The following NDUFV2 variants were observed in gnomAD, a reference collection of about 807,000 sequenced individuals.
The protein encoded by NDUFV2 is NADH:ubiquinone oxidoreductase core subunit V2, also known as NADH dehydrogenase [ubiquinone] flavoprotein 2, mitochondrial.
NDUFV2 carries 18 observed loss-of-function variants against 31.6 expected under a neutral mutation model. That is an observed-to-expected ratio of 0.57 (90% CI 0.39 to 0.84). The LOEUF is 0.84. NDUFV2 is among the 40% of genes least tolerant of loss of function. The pLI is 0.00. For missense variants in NDUFV2, 314 were observed against 303.6 expected, an observed-to-expected ratio of 1.03 and a Z score of -0.26; for synonymous variants, 83 against 99.8, an observed-to-expected ratio of 0.83 and a Z score of 1.01.
At chr18:9,124,472 G>T (rs1429802097) in intron 5 of NDUFV2, among the ~76,000 whole-genome samples, 2 of 132,160 alleles carry the variant, frequency 1.5e-5, no homozygotes, top group Non-Finnish European at 3.2e-5. Flanking sequence ...TTTTGGAGAT[G>T]GAGTCTTGCT....
chr18:9,117,020 A>G (rs1445666035), intron 1 of NDUFV2, among the ~76,000 whole-genome samples: 2 of 151,804 alleles, frequency 1.3e-5, no homozygotes, highest in African/African-American at 4.8e-5. Context: ...TAGCATCATA[A>G]ATAGCTTTCT....
chr18:9,104,191 C>G lies in NDUFV2; in HGVS notation c.54+1394C>G, dbSNP rs758167257. The G allele has an allele frequency of 1.5e-5, 24 of 1,611,906 alleles. No individual in the cohort carries two copies. The East Asian group carries it at 4.7e-4, about 31-fold the overall frequency. On this transcript the variant is annotated intron_variant, in intron 1 of 7. Transcript: ENST00000318388. ...AAAGTCTTGTTGGCAAGAAAAAGATCGGTATGTATGAGAAGCCACCCTCTG... is the reference window on the plus strand; with the variant it reads ...AAAGTCTTGTTGGCAAGAAAAAGATGGGTATGTATGAGAAGCCACCCTCTG...
At chr18:9,110,365 C>CA (rs560949805) in intron 1 of NDUFV2, among the ~76,000 whole-genome samples, 3 of 151,654 alleles carry the variant, frequency 2.0e-5, no homozygotes, top group East Asian at 1.9e-4. Flanking sequence ...TTAAACACAC[C>CA]AAAAAAACAA....
At chr18:9,104,855 G>A (rs1208695956) in intron 1 of NDUFV2, 3 of 1,375,010 alleles carry the variant, frequency 2.2e-6, no homozygotes, top group East Asian at 2.6e-5. Context: ...AGACTAGCAA[G>A]TAGAGTAAGC....
At chr18:9,125,131 C>CT in intron 6 of NDUFV2, 148 bp downstream of exon 6, 2 of 887,228 alleles carry the variant, frequency 2.3e-6, no homozygotes, top group Non-Finnish European at 3.3e-6. Flanking sequence ...TTAAAAAATT[C>CT]TTTAAACATT....
chr18:9,102,819 C>G lies in NDUFV2; in HGVS notation c.54+22C>G. 4 of 1,545,630 alleles carry G rather than the reference C, an allele frequency of 2.6e-6. No individual in the cohort carries two copies. In the South Asian group the frequency reaches 4.8e-5, roughly 18 times the overall value. ...CTGGGTAAGGAGGCTCAAGCTGAGCCCGGCGCTGCCGCCGCCCTTCTCTTG... is the reference window on the plus strand; with the variant it reads ...CTGGGTAAGGAGGCTCAAGCTGAGCGCGGCGCTGCCGCCGCCCTTCTCTTG... On this transcript the variant is annotated intron_variant, in intron 1 of 7. Coordinates refer to ENST00000318388, the MANE Select transcript of NDUFV2 (RefSeq NM_021074.5).
chr18:9,104,659 T>C (rs1484281170), intron 1 of NDUFV2, among the ~76,000 whole-genome samples: 2 of 152,082 alleles, frequency 1.3e-5, no homozygotes, highest in South Asian at 2.1e-4. Context: ...ACTCTCTTTC[T>C]CTCCCTCCCT....
In NDUFV2 at chr18:9,126,834, GA is replaced by G. The variant is rs1247072696; in HGVS notation, c.584del (p.Asp195ValfsTer2). 1 of 1,612,392 alleles carries G rather than the reference GA, an allele frequency of 6.2e-7. No individual in the cohort carries two copies. The highest frequency in any genetic ancestry group is 8.5e-7 in the Non-Finnish European group (1 of 1,178,958). ...MVQINDNYYE[D>X]LTAKDIEEII... ...CTATTGTTAATTTTTTTTCCAGGAG[GA>G]TTTGACAGCTAAGGATATTGAAGAA... On this transcript the variant is annotated frameshift_variant, in exon 7 of 8. Transcript: ENST00000318388. LOFTEE classifies it high-confidence loss of function.
chr18:9,125,163 CAA>C (rs1389169852), intron 6 of NDUFV2, among the ~76,000 whole-genome samples, 180 bp downstream of exon 6: 1 of 152,082 alleles, frequency 6.6e-6, no homozygotes, highest in African/African-American at 2.4e-5. Flanking sequence ...CTTCAGAAGA[CAA>C]ATTTTAAAAC....
chr18:9,105,065 T>G (rs1031012053), intron 1 of NDUFV2: 8 of 1,347,510 alleles, frequency 5.9e-6, no homozygotes, highest in African/African-American at 1.4e-5. Context: ...ACTGTCATTT[T>G]AATGCTACAT....
At chr18:9,105,489 C>T (rs2077837175) in intron 1 of NDUFV2, among the ~76,000 whole-genome samples, 1 of 152,108 alleles carries the variant, frequency 6.6e-6, no homozygotes, top group African/African-American at 2.4e-5. Flanking sequence ...AGTTTATTCC[C>T]TTCTTCAGTA....
chr18:9,122,943 C>T (rs1333847286), intron 5 of NDUFV2, among the ~76,000 whole-genome samples: 1 of 151,920 alleles, frequency 6.6e-6, no homozygotes, highest in African/African-American at 2.4e-5. Flanking sequence ...ATAAAATATT[C>T]GTTGTTTAGA....
At chr18:9,104,596 GAAC>G (rs1311368735) in intron 1 of NDUFV2, among the ~76,000 whole-genome samples, 1 of 152,190 alleles carries the variant, frequency 6.6e-6, no homozygotes. Context: ...TAATGAAAAA[GAAC>G]AACTTGAGGT....
Position 9,132,766 on chromosome 18 carries a change from G to A in NDUFV2, c.657-1420G>A, listed in dbSNP as rs967408446. The stretch of plus-strand genomic sequence containing the variant: ...GACGCACACCTGTAGTCCCAGCTAC[G>A]TGGGAGGCTGAGGTGACAGAAGCAC... On this transcript the variant is annotated intron_variant, in intron 7 of 7. Coordinates refer to ENST00000318388, the MANE Select transcript of NDUFV2 (RefSeq NM_021074.5). 5.3e-5 allele frequency among the ~76,000 whole-genome samples: 8 copies of A among 152,140 alleles called. No homozygotes were observed. The East Asian group carries it at 1.2e-3, about 22-fold the overall frequency.
At chr18:9,102,885 G>C (rs1230480810) in intron 1 of NDUFV2, 88 bp downstream of exon 1, 2 of 1,407,430 alleles carry the variant, frequency 1.4e-6, no homozygotes, top group Admixed American at 2.3e-5. Context: ...GGAGAGCCCT[G>C]GGCTCTGCAC....
chr18:9,106,620 G>C (rs769165935), intron 1 of NDUFV2, among the ~76,000 whole-genome samples: 5 of 152,082 alleles, frequency 3.3e-5, no homozygotes, highest in Non-Finnish European at 5.9e-5. Context: ...AGTTAATGTA[G>C]GAAAAACACC....
intron 1 of NDUFV2, chr18:9,104,190 T>TC (rs1327584078): frequency 6.2e-7 from 1 of 1,612,036 alleles, no homozygotes; most frequent in African/African-American, 1.3e-5. Flanking sequence ...AAGAAAAAGA[T>TC]CGGTATGTAT....
Position 9,102,743 on chromosome 18 carries a change from C to T in NDUFV2, c.-1C>T, listed in dbSNP as rs752827701. ...GGGGAAGGTGAACAGTGTGGCCCGC[C>T]ATGTTCTTCTCCGCGGCGCTCCGGG... is the stretch of plus-strand genomic sequence containing the variant. On this transcript the variant is annotated 5_prime_UTR_variant, in exon 1 of 8. Coordinates refer to ENST00000318388, the MANE Select transcript of NDUFV2 (RefSeq NM_021074.5). The T allele has an allele frequency of 3.2e-6, 5 of 1,584,948 alleles. No individual in the cohort carries two copies. In the South Asian group the frequency reaches 4.6e-5, roughly 15 times the overall value.
At chr18:9,130,701 G>A (rs560276051) in intron 7 of NDUFV2, among the ~76,000 whole-genome samples, 3 of 152,160 alleles carry the variant, frequency 2.0e-5, no homozygotes, top group Admixed American at 1.3e-4. Context: ...TTTTTTATTG[G>A]TATTTTAATA....
Sources: allele counts gnomAD v4.1 joint callset (sites outside exome capture counted in the v4.1 genomes callset), GRCh38; gene constraint gnomAD v4.1.1; transcripts MANE v1.5; gene names NCBI Gene and HGNC (gene_info 2026-07-23, HGNC 2026-07-21).